FNBP1: variants seen among roughly 807,000 people sequenced by gnomAD.
The protein encoded by FNBP1 is formin-binding protein 1.
Under a neutral mutation model 90.6 loss-of-function variants are expected in FNBP1, and 26 were observed. That is an observed-to-expected ratio of 0.29 (90% CI 0.21 to 0.40). The LOEUF is 0.40. FNBP1 is among the 10% of genes least tolerant of loss of function. FNBP1 has a pLI of 1.00. For synonymous variants in FNBP1, 260 were observed against 265.2 expected (o/e 0.98, Z 0.19); for missense variants, 635 against 768.0 (o/e 0.83, Z 2.05).
In FNBP1 at chr9:130,043,085, G is replaced by A; in HGVS notation, c.-110C>T. 3 of 1,058,160 alleles carry A rather than the reference G, an allele frequency of 2.8e-6. No individual in the cohort carries two copies. Among genetic ancestry groups the A allele is most frequent in the Non-Finnish European group, 3.6e-6 (3 of 832,700 alleles). The allele number at this position is 1,058,160 out of a possible 1,614,324, so 65.5% of individuals were successfully genotyped here. The stretch of plus-strand genomic sequence containing the variant: ...TCCCCGCGACGGCGGAAAGCCCGGA[G>A]TCCGCGCGGCCTCCTCCGGCTCGCA... On this transcript the variant is annotated 5_prime_UTR_variant, in exon 1 of 17. Coordinates refer to ENST00000446176, the MANE Select transcript of FNBP1 (RefSeq NM_015033.3).
intron 15 of FNBP1, among the ~76,000 whole-genome samples, chr9:129,897,492 A>G (rs2035979135): frequency 6.6e-6 from 1 of 152,250 alleles, no homozygotes; most frequent in Non-Finnish European, 1.5e-5. Context: ...AGAAATCTGT[A>G]AAATTTATTT....
chr9:129,907,941 A>C (rs1317977845), intron 12 of FNBP1, among the ~76,000 whole-genome samples: 5 of 151,668 alleles, frequency 3.3e-5, no homozygotes, highest in Admixed American at 3.3e-4. Flanking sequence ...GTTAGCCAGG[A>C]TGGTCTCGAT....
intron 4 of FNBP1, among the ~76,000 whole-genome samples, chr9:129,965,384 C>G (rs549158862): frequency 1.3e-5 from 2 of 152,168 alleles, no homozygotes; most frequent in Non-Finnish European, 2.9e-5. Context: ...TGACTTTACC[C>G]GTAACACTGA....
At chr9:130,046,580 C>CAAAAAAAAAAAAAAAA (rs56392821), upstream of FNBP1, among the ~76,000 whole-genome samples, 2 of 66,790 alleles carry the variant, frequency 3.0e-5, no homozygotes, top group Non-Finnish European at 5.2e-5. Context: ...ACTAAAAATA[C>CAAAAAAAAAAAAAAAA]AAAAAAAAAA....
intron 4 of FNBP1, among the ~76,000 whole-genome samples, chr9:129,970,532 G>C (rs141654477): frequency 7.2e-5 from 11 of 152,152 alleles, no homozygotes; most frequent in African/African-American, 2.7e-4. Flanking sequence ...ATACATATCT[G>C]CAAATGATAT....
intron 12 of FNBP1, among the ~76,000 whole-genome samples, chr9:129,903,591 C>T (rs1359133081): frequency 2.0e-5 from 3 of 152,108 alleles, no homozygotes; most frequent in Admixed American, 1.3e-4. Context: ...TTAATCCTGC[C>T]CTTCCCTTTG....
chr9:129,897,588 TTTTATTTA>T (rs978352167), intron 15 of FNBP1, among the ~76,000 whole-genome samples: 2 of 152,106 alleles, frequency 1.3e-5, no homozygotes, highest in African/African-American at 2.4e-5. Context: ...TTTTTCGTAA[TTTTATTTA>T]TTTATTTATT....
chr9:130,002,870 C>T (rs1433211031), intron 1 of FNBP1, among the ~76,000 whole-genome samples: 1 of 152,144 alleles, frequency 6.6e-6, no homozygotes, highest in Non-Finnish European at 1.5e-5. Context: ...TCACCTTGAC[C>T]TTACACTCCC....
chr9:129,941,139 C>T (rs934997031), intron 6 of FNBP1, among the ~76,000 whole-genome samples: 34 of 151,712 alleles, frequency 2.2e-4, no homozygotes, highest in African/African-American at 5.3e-4. Flanking sequence ...CTGTAATCCC[C>T]GCACTTTGGG....
At chr9:129,980,247 C>T (rs1014747931) in intron 2 of FNBP1, among the ~76,000 whole-genome samples, 1 of 151,556 alleles carries the variant, frequency 6.6e-6, no homozygotes, top group Admixed American at 6.6e-5. Flanking sequence ...GTAATCCCAG[C>T]TACTCAGGAG....
intron 6 of FNBP1, among the ~76,000 whole-genome samples, chr9:129,943,370 G>A (rs1435358373): frequency 6.9e-6 from 1 of 145,688 alleles, no homozygotes; most frequent in Non-Finnish European, 1.5e-5. Context: ...AGTATGTAGA[G>A]CAATCATTAA....
Position 129,928,826 on chromosome 9 carries a change from C to G in FNBP1, c.642+741G>C, listed in dbSNP as rs74514810. The stretch of plus-strand genomic sequence containing the variant: ...CTAGATGCTTTAAAAAATGATTTAT[C>G]ATGCCTATAATCCTAGCACTTTGGG... On this transcript the variant is annotated intron_variant, in intron 7 of 16. Coordinates refer to ENST00000446176, the MANE Select transcript of FNBP1 (RefSeq NM_015033.3). 7.3e-3 allele frequency among the ~76,000 whole-genome samples: 1,106 copies of G among 152,122 alleles called. 8 individuals carry two copies. Among genetic ancestry groups the G allele is most frequent in the African/African-American group, 0.025 (1,055 of 41,490 alleles).
intron 4 of FNBP1, among the ~76,000 whole-genome samples, chr9:129,975,354 A>T (rs1201356770): frequency 6.6e-6 from 1 of 152,282 alleles, no homozygotes; most frequent in African/African-American, 2.4e-5. Context: ...TCAAAAGAGC[A>T]TGATGTTTAC....
At chr9:129,949,079 T>C (rs2045786015) in intron 6 of FNBP1, among the ~76,000 whole-genome samples, 1 of 152,142 alleles carries the variant, frequency 6.6e-6, no homozygotes, top group East Asian at 1.9e-4. Flanking sequence ...CAGGGGAGCC[T>C]GTTTCACCTT....
At chr9:129,993,624 CTTTT>C (rs10533724) in intron 2 of FNBP1, among the ~76,000 whole-genome samples, 7 of 112,238 alleles carry the variant, frequency 6.2e-5, no homozygotes, top group East Asian at 2.6e-4. Context: ...CCCCAAAGCA[CTTTT>C]TTTTTTTTTT....
At chr9:129,919,831 G>A (rs1418495150) in intron 10 of FNBP1, among the ~76,000 whole-genome samples, 1 of 152,220 alleles carries the variant, frequency 6.6e-6, no homozygotes, top group Non-Finnish European at 1.5e-5. Flanking sequence ...ATGCTGTTAA[G>A]TTACAAAGTA....
At chr9:130,033,188 C>T (rs1341719821) in intron 1 of FNBP1, among the ~76,000 whole-genome samples, 1 of 152,202 alleles carries the variant, frequency 6.6e-6, no homozygotes, top group African/African-American at 2.4e-5. Context: ...AACAATCTCT[C>T]ACCTTTATGC....
intron 1 of FNBP1, among the ~76,000 whole-genome samples, chr9:130,029,693 C>G (rs1382705006): frequency 1.3e-5 from 2 of 152,090 alleles, no homozygotes; most frequent in African/African-American, 2.4e-5. Flanking sequence ...ATGACAGATT[C>G]TTATAAACGG....
chr9:129,996,337 G>A (rs2054000452), intron 1 of FNBP1, among the ~76,000 whole-genome samples: 1 of 152,140 alleles, frequency 6.6e-6, no homozygotes. Flanking sequence ...GCAGAGCCCA[G>A]AAAGGACTAA....
Sources: gnomAD v4.1 joint callset for allele counts (sites outside exome capture counted in the v4.1 genomes callset) on GRCh38, gnomAD v4.1.1 for gene constraint, MANE v1.5 for transcripts, NCBI Gene and HGNC (gene_info 2026-07-23, HGNC 2026-07-21) for gene names.